The following SCAPER variants were observed in gnomAD, a reference collection of about 807,000 sequenced individuals.
The protein encoded by SCAPER is S-phase cyclin A associated protein in the ER.
Under a neutral mutation model 182.2 loss-of-function variants are expected in SCAPER, and 98 were observed. The ratio of observed to expected loss-of-function variants is 0.54; its 90% confidence interval spans 0.46 to 0.64. The LOEUF (loss-of-function observed/expected upper bound fraction) is 0.64, where lower values mean the gene tolerates loss of function less well. SCAPER is among the 30% of genes least tolerant of loss of function. The pLI is 0.00. For missense variants in SCAPER, 1,432 were observed against 1,690.0 expected (o/e 0.85, Z 2.68); for synonymous variants, 605 against 564.6 (o/e 1.07, Z -1.01).
intron 14 of SCAPER, among the ~76,000 whole-genome samples, chr15:76,756,379 C>T (rs2062434318): frequency 6.6e-6 from 1 of 151,846 alleles, no homozygotes; most frequent in Non-Finnish European, 1.5e-5. Flanking sequence ...GAATTTGAGA[C>T]CAGTCTGGGC....
chr15:76,529,407 CTCTACT>C (rs2043451399), intron 23 of SCAPER, among the ~76,000 whole-genome samples: 1 of 152,190 alleles, frequency 6.6e-6, no homozygotes, highest in South Asian at 2.1e-4. Flanking sequence ...AGACAAAAAT[CTCTACT>C]TCTACTTCTA....
intron 14 of SCAPER, among the ~76,000 whole-genome samples, chr15:76,764,160 A>AGG (rs2062967823): frequency 1.3e-5 from 2 of 152,206 alleles, no homozygotes; most frequent in Non-Finnish European, 2.9e-5. Flanking sequence ...GCAGGAGCAT[A>AGG]CTGTTGCACT....
chr15:76,813,227 TAAAAAAAAAAAAAAA>T (rs746891532), intron 5 of SCAPER, among the ~76,000 whole-genome samples: 8 of 17,288 alleles, frequency 4.6e-4, no homozygotes, highest in African/African-American at 1.9e-3. Context: ...ATCCTTTCAC[TAAAAAAAAAAAAAAA>T]AAAAAAAAAA....
chr15:76,440,909 T>TTTTG (rs2047532611), intron 25 of SCAPER, among the ~76,000 whole-genome samples: 1 of 48,982 alleles, frequency 2.0e-5, no homozygotes, highest in South Asian at 8.0e-4. Flanking sequence ...CCCTTCTGGT[T>TTTTG]TTTTTTTTGT....
intron 25 of SCAPER, among the ~76,000 whole-genome samples, chr15:76,438,064 C>T (rs909580362): frequency 2.0e-5 from 3 of 152,036 alleles, no homozygotes; most frequent in Non-Finnish European, 4.4e-5. Context: ...GGGTGGATCA[C>T]GAGATCAGGA....
chr15:76,714,048 A>AT lies in SCAPER; in HGVS notation c.2166-8065dup, dbSNP rs539250297. On this transcript the variant is annotated intron_variant, in intron 17 of 31. Transcript: ENST00000563290. ...ACATATACACAAATACTACTCAGCAATTTTTTTTTTAAAAGAGCAAGCCAC... is the reference window on the plus strand; with the variant it reads ...ACATATACACAAATACTACTCAGCAATTTTTTTTTTTAAAAGAGCAAGCCAC... Among the ~76,000 whole-genome samples, 474 of 150,686 alleles carry AT rather than the reference A, an allele frequency of 3.1e-3. 2 individuals are homozygous for AT. Among genetic ancestry groups the AT allele is most frequent in the Middle Eastern group, 0.02 (6 of 294 alleles).
chr15:76,853,624 C>T (rs1215219365), intron 4 of SCAPER, among the ~76,000 whole-genome samples: 1 of 151,416 alleles, frequency 6.6e-6, no homozygotes, highest in African/African-American at 2.4e-5. Context: ...CATATCTTCA[C>T]GTTAAAAACT....
chr15:76,823,765 G>A (rs924657738), intron 5 of SCAPER, among the ~76,000 whole-genome samples: 11 of 152,008 alleles, frequency 7.2e-5, no homozygotes, highest in Non-Finnish European at 1.5e-4. Flanking sequence ...TAAAAATTTA[G>A]TTGGCTTCCT....
At chr15:76,812,169 C>A (rs2066674782) in intron 5 of SCAPER, among the ~76,000 whole-genome samples, 1 of 151,728 alleles carries the variant, frequency 6.6e-6, no homozygotes, top group African/African-American at 2.4e-5. Flanking sequence ...CAAAACTTAG[C>A]CAGGTGTGGT....
At chr15:76,807,793 G>A (rs1160535301) in intron 5 of SCAPER, among the ~76,000 whole-genome samples, 1 of 150,178 alleles carries the variant, frequency 6.7e-6, no homozygotes, top group Admixed American at 6.6e-5. Context: ...GAATTATTTG[G>A]GTGATGGATA....
chr15:76,681,767 G>A (rs1391667275), intron 20 of SCAPER, among the ~76,000 whole-genome samples: 1 of 152,148 alleles, frequency 6.6e-6, no homozygotes, highest in African/African-American at 2.4e-5. Flanking sequence ...AGACACTTAT[G>A]CTAACAGGGA....
At chr15:76,386,502 A>G (rs1021425443) in intron 27 of SCAPER, among the ~76,000 whole-genome samples, 1 of 152,208 alleles carries the variant, frequency 6.6e-6, no homozygotes, top group Non-Finnish European at 1.5e-5. Flanking sequence ...ACAAATATAT[A>G]ATATGTAACG....
chr15:76,899,556 A>G (rs2074636243), intron 1 of SCAPER, among the ~76,000 whole-genome samples: 1 of 152,176 alleles, frequency 6.6e-6, no homozygotes, highest in Admixed American at 6.5e-5. Flanking sequence ...CCAAAGTGCT[A>G]AGATTACAGC....
chr15:76,809,876 C>A (rs1172830762), intron 5 of SCAPER, among the ~76,000 whole-genome samples: 1 of 152,174 alleles, frequency 6.6e-6, no homozygotes, highest in African/African-American at 2.4e-5. Context: ...ACTTATTACA[C>A]ACACAGGGGC....
chr15:76,486,866 G>T (rs2051704416), intron 24 of SCAPER, among the ~76,000 whole-genome samples: 1 of 152,008 alleles, frequency 6.6e-6, no homozygotes, highest in Non-Finnish European at 1.5e-5. Flanking sequence ...AATATAAATT[G>T]GTCTATTGGA....
chr15:76,572,720 A>C lies in SCAPER; in HGVS notation c.2838+1438T>G, dbSNP rs2047516616. ...AATTCTCCAGACCCACCCTAAACCT[A>C]CTTAATCAGAAATCCGGGGCAGGAG... On this transcript the variant is annotated intron_variant, in intron 23 of 31. Coordinates refer to ENST00000563290, the MANE Select transcript of SCAPER (RefSeq NM_020843.4). 4.6e-5 allele frequency among the ~76,000 whole-genome samples: 7 copies of C among 152,112 alleles called. No homozygotes were observed. The South Asian group carries it at 1.4e-3, about 31-fold the overall frequency.
intron 5 of SCAPER, among the ~76,000 whole-genome samples, chr15:76,814,011 T>A (rs1010837846): frequency 6.6e-6 from 1 of 151,974 alleles, no homozygotes; most frequent in Non-Finnish European, 1.5e-5. Context: ...CTACTAAAAT[T>A]ACAAAAATTA....
chr15:76,865,609 A>G (rs2072229576), intron 2 of SCAPER, among the ~76,000 whole-genome samples: 1 of 152,160 alleles, frequency 6.6e-6, no homozygotes, highest in African/African-American at 2.4e-5. Flanking sequence ...GTACAGAGAC[A>G]AATTGTGTTA....
At chr15:76,690,735 A>G (rs1031750137) in intron 20 of SCAPER, among the ~76,000 whole-genome samples, 1 of 152,160 alleles carries the variant, frequency 6.6e-6, no homozygotes, top group African/African-American at 2.4e-5. Context: ...AATCTTTAAG[A>G]AAAAGACTAT....
Sources: allele counts gnomAD v4.1 joint callset (sites outside exome capture counted in the v4.1 genomes callset), GRCh38; gene constraint gnomAD v4.1.1; transcripts MANE v1.5; gene names NCBI Gene and HGNC (gene_info 2026-07-23, HGNC 2026-07-21).